Variants in DOCK1 observed in about 807,000 individuals in gnomAD.
DOCK1 encodes dedicator of cytokinesis 1.
In DOCK1, 138 loss-of-function variants were observed where a neutral mutation model predicts 262.7. The ratio of observed to expected loss-of-function variants is 0.53; its 90% confidence interval spans 0.46 to 0.61. The LOEUF is 0.61. Among genes scored for constraint, DOCK1 ranks in the 20% least tolerant of loss-of-function variants. The pLI is 0.00. For synonymous variants in DOCK1, 866 were observed against 867.4 expected, an observed-to-expected ratio of 1.00 and a Z score of 0.03; for missense variants, 1,908 against 2,370.7, an observed-to-expected ratio of 0.80 and a Z score of 4.05.
intron 27 of DOCK1, among the ~76,000 whole-genome samples, chr10:127,215,498 G>A (rs1176980971): frequency 6.6e-6 from 1 of 152,176 alleles, no homozygotes; most frequent in Non-Finnish European, 1.5e-5. Context: ...AGAAGCTGTA[G>A]CTACATTCTG....
At chr10:127,105,845 T>C (rs1217983444) in intron 23 of DOCK1, among the ~76,000 whole-genome samples, 1 of 152,144 alleles carries the variant, frequency 6.6e-6, no homozygotes, top group Non-Finnish European at 1.5e-5. Flanking sequence ...CTGCAACCTC[T>C]ACTTCCTGGG....
At chr10:127,075,472 A>G (rs2046472423) in intron 23 of DOCK1, among the ~76,000 whole-genome samples, 1 of 152,128 alleles carries the variant, frequency 6.6e-6, no homozygotes, top group Non-Finnish European at 1.5e-5. Context: ...TGGTTTCGTC[A>G]TATATTAGTC....
chr10:127,313,898 C>T (rs922023944), intron 29 of DOCK1, among the ~76,000 whole-genome samples: 1 of 151,944 alleles, frequency 6.6e-6, no homozygotes, highest in African/African-American at 2.4e-5. Context: ...TTGTTTGATC[C>T]GGGCCTGTGT....
rs2049893877 is a variant in DOCK1, at chr10:127,125,498, T to C, written c.2648T>C (p.Met883Thr). ...QHDCREILLP[M>T]MTDQLKYHLE... ...GACTGCAGAGAGATCCTGCTTCCCA[T>C]GATGACCGATCAGCTCAAGTACCAT... is the stretch of plus-strand genomic sequence containing the variant. Residue 883 changes from methionine to threonine, a missense_variant, in exon 26 of 52, where the codon ATG becomes ACG. Physicochemically the swap from Met to Thr is moderately conservative, Grantham distance 81. Around this residue, in one of 9 missense-constraint regions of DOCK1, gnomAD observed 518 missense variants for 575.1 expected, o/e 0.90. Coordinates refer to ENST00000623213, the MANE Select transcript of DOCK1 (RefSeq NM_001290223.2). 3 of 1,613,482 alleles carry C rather than the reference T, an allele frequency of 1.9e-6. No individual in the cohort carries two copies. The highest frequency in any genetic ancestry group is 1.7e-6 in the Non-Finnish European group (2 of 1,179,816).
chr10:127,312,317 C>G (rs2720988), intron 29 of DOCK1, among the ~76,000 whole-genome samples: 2,726 of 152,244 alleles, frequency 0.018, 92 homozygotes, highest in African/African-American at 0.063. Context: ...ATTCCTAGGA[C>G]GGGGCAGCAG....
intron 29 of DOCK1, among the ~76,000 whole-genome samples, chr10:127,284,991 G>A (rs2061096362): frequency 6.6e-6 from 1 of 152,046 alleles, no homozygotes; most frequent in Non-Finnish European, 1.5e-5. Flanking sequence ...TTAAAAATTA[G>A]CTGGGTGAGG....
intron 32 of DOCK1, among the ~76,000 whole-genome samples, chr10:127,358,068 C>A (rs1370917130): frequency 6.6e-6 from 1 of 152,032 alleles, no homozygotes; most frequent in Non-Finnish European, 1.5e-5. Flanking sequence ...AGGATGATAG[C>A]ACCGACTCTG....
chr10:127,313,274 C>G lies in DOCK1; in HGVS notation c.3045-25732C>G, dbSNP rs556044168. Among the ~76,000 whole-genome samples the G allele has an allele frequency of 2.0e-5, 3 of 152,228 alleles. No homozygotes were observed. The South Asian group carries it at 6.2e-4, about 32-fold the overall frequency. On this transcript the variant is annotated intron_variant, in intron 29 of 51. Transcript: ENST00000623213. The stretch of plus-strand genomic sequence containing the variant: ...ATGCGATGCAATCACTCTCAATAGC[C>G]CTGACACACACAAGCAGGGACAATG...
At chr10:127,130,714 A>T (rs2050270662) in intron 27 of DOCK1, among the ~76,000 whole-genome samples, 1 of 152,192 alleles carries the variant, frequency 6.6e-6, no homozygotes, top group African/African-American at 2.4e-5. Flanking sequence ...GAACAGGAAG[A>T]TTCTCATTTA....
chr10:126,969,186 A>G (rs529230409), intron 1 of DOCK1, among the ~76,000 whole-genome samples: 1 of 152,364 alleles, frequency 6.6e-6, no homozygotes, highest in African/African-American at 2.4e-5. Flanking sequence ...ACGCAATTCT[A>G]CGAGGTCAGT....
At chr10:126,992,584 C>T (rs531848705) in intron 6 of DOCK1, among the ~76,000 whole-genome samples, 8 of 152,184 alleles carry the variant, frequency 5.3e-5, no homozygotes, top group Middle Eastern at 3.4e-3. Context: ...TTTCATTGAT[C>T]GCTTAGGCAT....
At chr10:127,140,700 T>G (rs879584188) in intron 27 of DOCK1, among the ~76,000 whole-genome samples, 1 of 71,480 alleles carries the variant, frequency 1.4e-5, no homozygotes, top group Non-Finnish European at 3.8e-5. Context: ...GAAACCTGAC[T>G]GGAGGAGGCA....
chr10:126,939,916 A>G (rs913990574), intron 1 of DOCK1, among the ~76,000 whole-genome samples: 2 of 152,096 alleles, frequency 1.3e-5, no homozygotes, highest in African/African-American at 4.8e-5. Flanking sequence ...TTGTCCTTTG[A>G]AGGCCACGCC....
chr10:127,349,855 A>G lies in DOCK1; in HGVS notation c.3225-4814A>G, dbSNP rs139296970. On this transcript the variant is annotated intron_variant, in intron 31 of 51. Transcript: ENST00000623213. ...GTGGCCTTCTTCTTTGTGTCTTCCT[A>G]TGTGTCTGTGTCTCTCAATCTCCCT... 5.5e-3 allele frequency among the ~76,000 whole-genome samples: 828 copies of G among 151,912 alleles called. 11 individuals are homozygous for G. The highest frequency in any genetic ancestry group is 0.019 in the African/African-American group (784 of 41,428).
intron 1 of DOCK1, among the ~76,000 whole-genome samples, chr10:126,951,746 C>T (rs926112973): frequency 0.23 from 35,523 of 151,706 alleles, 4,380 homozygotes; most frequent in Middle Eastern, 0.27. Flanking sequence ...CTAAGGACTT[C>T]CTAGAACTAA....
rs547303539 is a variant in DOCK1 at position 126,995,265 on chromosome 10, G to C, written c.474-1483G>C. The stretch of plus-strand genomic sequence containing the variant: ...GCGGCCGGGCAGAGGCTGCAATCTC[G>C]GCACTTTGGGAGGCCAAGGCAGGTG... On this transcript the variant is annotated intron_variant, in intron 6 of 51. Coordinates refer to ENST00000623213, the MANE Select transcript of DOCK1 (RefSeq NM_001290223.2). This position sits in a 1 kb window ranked among gnomAD's most constrained non-coding sequence, Gnocchi z 5.8. Among the ~76,000 whole-genome samples, 1 of 152,144 alleles carries C rather than the reference G, an allele frequency of 6.6e-6. No individual in the cohort carries two copies. The highest frequency in any genetic ancestry group is 1.9e-4 in the East Asian group (1 of 5,176).
intron 32 of DOCK1, among the ~76,000 whole-genome samples, chr10:127,356,901 C>G (rs920909401): frequency 6.6e-5 from 10 of 152,186 alleles, no homozygotes; most frequent in Non-Finnish European, 7.3e-5. Flanking sequence ...AGGGAATTGC[C>G]TATTTCCCCC....
At position 127,419,696 on chromosome 10, in the gene DOCK1, C is replaced by G. The variant is rs1255143724; in HGVS notation, c.4723C>G (p.His1575Asp). 1 of 1,605,914 alleles carries G rather than the reference C, an allele frequency of 6.2e-7. No individual in the cohort carries two copies. The highest frequency in any genetic ancestry group is 1.7e-5 in the Admixed American group (1 of 59,270). Residue 1575 changes from histidine (H) to aspartate (D), a missense_variant, in exon 46 of 52, where the codon CAC (histidine) becomes GAC (aspartate). Coordinates refer to ENST00000623213, the MANE Select transcript of DOCK1 (RefSeq NM_001290223.2). ...AFFTDRYLQE[H>D]PEAHEKIEKL... is the part of the protein sequence containing the mutation. ...CTTTACAGACCGGTACCTGCAGGAG[C>G]ACCCTGAGGCCCATGAAAAGATCGA...
chr10:127,157,416 T>G (rs1002299580), intron 27 of DOCK1, among the ~76,000 whole-genome samples: 1 of 152,246 alleles, frequency 6.6e-6, no homozygotes, highest in Non-Finnish European at 1.5e-5. Context: ...TGGGCATTAT[T>G]TTAAATTGAA....
Sources: allele counts gnomAD v4.1 joint callset (sites outside exome capture counted in the v4.1 genomes callset), GRCh38; gene constraint gnomAD v4.1.1; regional missense constraint gnomAD v4.1.1; non-coding constraint Gnocchi (gnomAD v3.1); transcripts MANE v1.5; gene names NCBI Gene and HGNC (gene_info 2026-07-23, HGNC 2026-07-21).